The following CDH18 variants were observed in gnomAD, a reference collection of about 807,000 sequenced individuals.
CDH18 encodes cadherin-18.
A neutral mutation model predicts 67.9 loss-of-function variants in CDH18; 31 were observed. The ratio of observed to expected loss-of-function variants is 0.46; its 90% CI spans 0.34 to 0.62. CDH18 has a LOEUF of 0.62. Among genes scored for constraint, CDH18 ranks in the 20% least tolerant of loss-of-function variants. The pLI is 0.01. For missense variants in CDH18, 890 were observed against 975.5 expected (o/e 0.91, Z 1.17); for synonymous variants, 362 against 347.2 (o/e 1.04, Z -0.48).
intron 2 of CDH18, among the ~76,000 whole-genome samples, chr5:20,127,764 T>G (rs561798818): frequency 6.6e-6 from 1 of 152,274 alleles, no homozygotes; most frequent in African/African-American, 2.4e-5. Context: ...CTTGATCTGT[T>G]GTACAGCACT....
chr5:19,897,276 T>C (rs1210443890), intron 2 of CDH18, among the ~76,000 whole-genome samples: 1 of 152,276 alleles, frequency 6.6e-6, no homozygotes, highest in East Asian at 1.9e-4. Flanking sequence ...TTAAACCGAA[T>C]GTCTTCACTA....
intron 2 of CDH18, among the ~76,000 whole-genome samples, chr5:20,044,590 C>T (rs1240359695): frequency 6.6e-6 from 1 of 152,134 alleles, no homozygotes; most frequent in Non-Finnish European, 1.5e-5. Context: ...AAAAGATCTT[C>T]TTTGCACCAT....
chr5:20,238,883 T>C (rs1167290645), intron 2 of CDH18, among the ~76,000 whole-genome samples: 5 of 152,186 alleles, frequency 3.3e-5, no homozygotes, highest in Non-Finnish European at 7.4e-5. Context: ...TATGAATATT[T>C]CCATATAAAG....
intron 2 of CDH18, among the ~76,000 whole-genome samples, chr5:19,844,934 G>A (rs989212074): frequency 3.9e-5 from 6 of 151,990 alleles, no homozygotes; most frequent in Admixed American, 3.9e-4. Flanking sequence ...TTTATTTGTT[G>A]CTTTTTATGC....
At chr5:19,557,545 T>C (rs916253184) in intron 8 of CDH18, among the ~76,000 whole-genome samples, 1 of 152,088 alleles carries the variant, frequency 6.6e-6, no homozygotes, top group Admixed American at 6.5e-5. Flanking sequence ...AGAGGGACTT[T>C]ATGTAATGAT....
chr5:20,165,479 A>G (rs1736213827), intron 2 of CDH18, among the ~76,000 whole-genome samples: 1 of 152,144 alleles, frequency 6.6e-6, no homozygotes, highest in Non-Finnish European at 1.5e-5. Context: ...GTAAGAGTCA[A>G]TGAAGAAAAT....
At chr5:19,947,391 C>G (rs577103588) in intron 2 of CDH18, among the ~76,000 whole-genome samples, 1 of 151,820 alleles carries the variant, frequency 6.6e-6, no homozygotes, top group African/African-American at 2.4e-5. Context: ...TGAACAAAAT[C>G]TTCAGGATAT....
intron 5 of CDH18, among the ~76,000 whole-genome samples, chr5:19,638,071 T>C (rs1442934296): frequency 6.6e-6 from 1 of 152,252 alleles, no homozygotes; most frequent in Non-Finnish European, 1.5e-5. Context: ...AATATTGGTT[T>C]GTTTCGTTTG....
At chr5:19,830,756 T>C (rs777790307) in intron 3 of CDH18, among the ~76,000 whole-genome samples, 8 of 152,084 alleles carry the variant, frequency 5.3e-5, no homozygotes, top group Non-Finnish European at 1.2e-4. Flanking sequence ...CACTGCACCA[T>C]TAACAATAGC....
At chr5:20,245,608 G>A (rs1399988119) in intron 2 of CDH18, among the ~76,000 whole-genome samples, 1 of 152,054 alleles carries the variant, frequency 6.6e-6, no homozygotes, top group Non-Finnish European at 1.5e-5. Context: ...AAATTGCAGT[G>A]CCTGGCACAG....
At chr5:19,975,944 G>A (rs1017052699) in intron 2 of CDH18, among the ~76,000 whole-genome samples, 1 of 152,134 alleles carries the variant, frequency 6.6e-6, no homozygotes, top group Non-Finnish European at 1.5e-5. Flanking sequence ...TGAAAATGGA[G>A]TGAGATGCTT....
intron 5 of CDH18, among the ~76,000 whole-genome samples, chr5:19,636,650 AT>A (rs1233503490): frequency 8.6e-5 from 13 of 151,980 alleles, no homozygotes; most frequent in African/African-American, 2.9e-4. Flanking sequence ...AAGATAAAAA[AT>A]ATTTATATAA....
intron 1 of CDH18, among the ~76,000 whole-genome samples, chr5:20,376,844 C>A (rs1467871865): frequency 2.0e-5 from 3 of 151,712 alleles, no homozygotes; most frequent in African/African-American, 7.3e-5. Context: ...TGGTGAAACC[C>A]CATCTCTACT....
chr5:19,571,959 C>A (rs1741499053), intron 7 of CDH18, 127 bp from the exon 8 acceptor site: 1 of 738,670 alleles, frequency 1.4e-6, no homozygotes, highest in Non-Finnish European at 2.2e-6. Flanking sequence ...ATAAGTCATT[C>A]TAGCTTTGTT....
intron 7 of CDH18, among the ~76,000 whole-genome samples, chr5:19,588,017 A>G (rs930409864): frequency 2.0e-5 from 3 of 151,834 alleles, no homozygotes; most frequent in Non-Finnish European, 2.9e-5. Flanking sequence ...CTTGTTAACC[A>G]TATCGCTAGG....
At chr5:20,050,739 T>C (rs1252511315) in intron 2 of CDH18, among the ~76,000 whole-genome samples, 1 of 151,856 alleles carries the variant, frequency 6.6e-6, no homozygotes, top group African/African-American at 2.4e-5. Context: ...GTCAGTCAAG[T>C]AGAATAATTA....
At chr5:20,474,208 G>A (rs1200494443) in intron 1 of CDH18, among the ~76,000 whole-genome samples, 12 of 152,058 alleles carry the variant, frequency 7.9e-5, no homozygotes, top group South Asian at 4.1e-4. Flanking sequence ...CCCAGGAGGC[G>A]GAGCTTGCAG....
At chr5:19,703,399 T>C (rs905256140) in intron 5 of CDH18, among the ~76,000 whole-genome samples, 1 of 152,020 alleles carries the variant, frequency 6.6e-6, no homozygotes, top group East Asian at 1.9e-4. Flanking sequence ...ACAATGATGA[T>C]GAGGAGGAAG....
At chr5:19,516,399 G>T (rs548073180) in intron 10 of CDH18, among the ~76,000 whole-genome samples, 1 of 152,220 alleles carries the variant, frequency 6.6e-6, no homozygotes, top group African/African-American at 2.4e-5. Flanking sequence ...TTTTTCTATT[G>T]ATTGGAATAG....
Sources: allele counts gnomAD v4.1 joint callset (sites outside exome capture counted in the v4.1 genomes callset), GRCh38; gene constraint gnomAD v4.1.1; transcripts MANE v1.5; gene names NCBI Gene and HGNC (gene_info 2026-07-23, HGNC 2026-07-21).